Variants in ERC2 observed in about 807,000 individuals in gnomAD.
ERC2 encodes the protein ERC protein 2.
Under a neutral mutation model 114.8 loss-of-function variants are expected in ERC2, and 42 were observed. The observed-to-expected ratio is 0.37, with a 90% CI of 0.29 to 0.47. The LOEUF is 0.47. Among genes scored for constraint, ERC2 ranks in the 20% least tolerant of loss-of-function variants. The pLI is 0.99. For synonymous variants in ERC2, 454 were observed against 425.5 expected, an observed-to-expected ratio of 1.07 and a Z score of -0.82; for missense variants, 939 against 1,150.7, an observed-to-expected ratio of 0.82 and a Z score of 2.66.
chr3:56,238,374 G>A (rs12494840), intron 3 of ERC2, among the ~76,000 whole-genome samples: 1 of 152,208 alleles, frequency 6.6e-6, no homozygotes, highest in Non-Finnish European at 1.5e-5. Flanking sequence ...GAGGCACTTA[G>A]AACCCCTGGA....
rs559758055 is a variant in ERC2, at chr3:56,307,133, G to A, written c.658-10698C>T. Among the ~76,000 whole-genome samples, 6 of 152,306 alleles carry A rather than the reference G, an allele frequency of 3.9e-5. No homozygotes were observed. The South Asian group carries it at 8.3e-4, about 21-fold the overall frequency. The stretch of plus-strand genomic sequence containing the variant: ...AGGAAGGTGGCCTACCAAGGGCAGG[G>A]GGTGTAGGATATAGTCTCATAATCA... On this transcript the variant is annotated intron_variant, in intron 2 of 17. Coordinates refer to ENST00000288221, the MANE Select transcript of ERC2 (RefSeq NM_015576.3).
chr3:56,066,356 T>C (rs2076481459), intron 7 of ERC2, among the ~76,000 whole-genome samples: 1 of 152,238 alleles, frequency 6.6e-6, no homozygotes, highest in Non-Finnish European at 1.5e-5. Context: ...AAATGTCTTC[T>C]TTTGAGAAGT....
chr3:56,280,470 T>A (rs2054273341), intron 3 of ERC2, among the ~76,000 whole-genome samples: 1 of 152,100 alleles, frequency 6.6e-6, no homozygotes, highest in African/African-American at 2.4e-5. Context: ...GGGAGGTACG[T>A]GGTGGTGACA....
intron 7 of ERC2, among the ~76,000 whole-genome samples, chr3:56,074,457 A>G (rs1403553838): frequency 6.6e-6 from 1 of 152,196 alleles, no homozygotes; most frequent in East Asian, 1.9e-4. Flanking sequence ...GGAAATGACC[A>G]CATATAACCA....
chr3:55,624,503 A>G (rs1395566710), intron 17 of ERC2, among the ~76,000 whole-genome samples: 1 of 152,150 alleles, frequency 6.6e-6, no homozygotes, highest in Non-Finnish European at 1.5e-5. Flanking sequence ...GAGGACAGAG[A>G]GGAAGTGGTG....
intron 17 of ERC2, among the ~76,000 whole-genome samples, chr3:55,564,623 T>C (rs2056246397): frequency 6.6e-6 from 1 of 152,230 alleles, no homozygotes; most frequent in South Asian, 2.1e-4. Flanking sequence ...ATTAGAATAA[T>C]GACTACATTT....
chr3:56,346,181 G>C (rs1426817689), intron 2 of ERC2, among the ~76,000 whole-genome samples: 1 of 151,624 alleles, frequency 6.6e-6, no homozygotes, highest in Non-Finnish European at 1.5e-5. Context: ...AAAAGGACAC[G>C]CTATATATAT....
chr3:55,763,110 G>GAGAGGC (rs2067556927), intron 14 of ERC2, among the ~76,000 whole-genome samples: 1 of 152,226 alleles, frequency 6.6e-6, no homozygotes, highest in Non-Finnish European at 1.5e-5. Flanking sequence ...AGAAAAGGGT[G>GAGAGGC]AGAGGCAGCC....
At chr3:56,118,636 C>CTTTTTTTT (rs66888697) in intron 6 of ERC2, among the ~76,000 whole-genome samples, 6 of 127,876 alleles carry the variant, frequency 4.7e-5, no homozygotes, top group African/African-American at 5.9e-5. Flanking sequence ...TATTCCTTTT[C>CTTTTTTTT]TTTTTTTTTT....
chr3:56,317,324 G>A (rs1246225384), intron 2 of ERC2, among the ~76,000 whole-genome samples: 2 of 152,116 alleles, frequency 1.3e-5, no homozygotes, highest in Non-Finnish European at 1.5e-5. Context: ...CATCTTGGGT[G>A]GAAAAAGAAG....
At chr3:55,927,406 G>GTTT (rs1033678415) in intron 13 of ERC2, among the ~76,000 whole-genome samples, 1 of 151,858 alleles carries the variant, frequency 6.6e-6, no homozygotes, top group Non-Finnish European at 1.5e-5. Context: ...CCATCCTTTT[G>GTTT]TTTTTTTGCT....
chr3:56,110,444 A>G (rs1184581965), intron 6 of ERC2, among the ~76,000 whole-genome samples: 3 of 152,196 alleles, frequency 2.0e-5, no homozygotes, highest in African/African-American at 4.8e-5. Flanking sequence ...GTGATTAAGA[A>G]TAAAATTAAG....
At chr3:55,766,242 G>A (rs2067777675) in intron 14 of ERC2, among the ~76,000 whole-genome samples, 1 of 146,242 alleles carries the variant, frequency 6.8e-6, no homozygotes, top group African/African-American at 2.6e-5. Context: ...CCATTTAAAG[G>A]CTAGAACACA....
At chr3:55,739,958 T>C (rs2065880605) in intron 14 of ERC2, among the ~76,000 whole-genome samples, 1 of 152,166 alleles carries the variant, frequency 6.6e-6, no homozygotes, top group Non-Finnish European at 1.5e-5. Context: ...GGGGTTCAGT[T>C]TCAGTTTCCT....
chr3:56,251,249 C>T (rs2052132921), intron 3 of ERC2, among the ~76,000 whole-genome samples: 1 of 152,194 alleles, frequency 6.6e-6, no homozygotes, highest in African/African-American at 2.4e-5. Flanking sequence ...TAAATTCTGT[C>T]TGGCTAAACT....
intron 14 of ERC2, among the ~76,000 whole-genome samples, chr3:55,777,513 T>C (rs13062565): frequency 0.011 from 1,725 of 152,344 alleles, 24 homozygotes; most frequent in Non-Finnish European, 0.012. Flanking sequence ...TTGTGTCTAA[T>C]CTGAACTTAT....
intron 5 of ERC2, among the ~76,000 whole-genome samples, chr3:56,142,150 T>G (rs1220564574): frequency 6.6e-6 from 1 of 152,198 alleles, no homozygotes; most frequent in Non-Finnish European, 1.5e-5. Context: ...TGAGTCAGTG[T>G]TGATACATTT....
chr3:56,102,369 T>C (rs2149807399), intron 6 of ERC2, among the ~76,000 whole-genome samples: 1 of 152,294 alleles, frequency 6.6e-6, no homozygotes. Context: ...TGAAATGTCA[T>C]GATTTTTTCA....
At chr3:55,913,577 G>T (rs1354627893) in intron 13 of ERC2, among the ~76,000 whole-genome samples, 1 of 151,262 alleles carries the variant, frequency 6.6e-6, no homozygotes, top group Non-Finnish European at 1.5e-5. Flanking sequence ...TTTTGCTGAC[G>T]TTATACTTAA....
Sources: allele counts gnomAD v4.1 joint callset (sites outside exome capture counted in the v4.1 genomes callset), GRCh38; gene constraint gnomAD v4.1.1; transcripts MANE v1.5; gene names NCBI Gene and HGNC (gene_info 2026-07-23, HGNC 2026-07-21).